The following BICD1 variants were observed in gnomAD, a reference collection of about 807,000 sequenced individuals.
The protein encoded by BICD1 is BICD cargo adaptor 1.
A neutral mutation model predicts 92.5 loss-of-function variants in BICD1; 35 were observed. The ratio of observed to expected loss-of-function variants is 0.38; its 90% CI spans 0.29 to 0.50. The LOEUF is 0.50. BICD1 is among the 20% of genes least tolerant of loss of function. BICD1 has a pLI of 0.93. For missense variants in BICD1, 950 were observed against 1,189.8 expected (o/e 0.80, Z 2.97); for synonymous variants, 429 against 465.1 (o/e 0.92, Z 1.00).
At chr12:32,188,190 G>A (rs976838882) in intron 1 of BICD1, among the ~76,000 whole-genome samples, 4 of 152,086 alleles carry the variant, frequency 2.6e-5, no homozygotes, top group Non-Finnish European at 5.9e-5. Context: ...CACCCACCTC[G>A]GCCTCCCAAA....
intron 1 of BICD1, among the ~76,000 whole-genome samples, chr12:32,199,904 T>A (rs569132177): frequency 3.6e-4 from 55 of 152,302 alleles, no homozygotes; most frequent in African/African-American, 1.3e-3. Flanking sequence ...TATTTTGTTA[T>A]GCTTTAAGGC....
intron 2 of BICD1, among the ~76,000 whole-genome samples, chr12:32,262,343 C>A: frequency 6.6e-6 from 1 of 152,164 alleles, no homozygotes; most frequent in African/African-American, 2.4e-5. Flanking sequence ...TATTCAGTCT[C>A]CCATTTCCTT....
At chr12:32,147,416 G>C (rs1943147641) in intron 1 of BICD1, among the ~76,000 whole-genome samples, 1 of 152,072 alleles carries the variant, frequency 6.6e-6, no homozygotes, top group Admixed American at 6.6e-5. Context: ...TTTTCCCTTA[G>C]CCGTCATTTT....
At chr12:32,120,888 AG>A (rs1565529037) in intron 1 of BICD1, among the ~76,000 whole-genome samples, 47 of 113,030 alleles carry the variant, frequency 4.2e-4, no homozygotes, top group African/African-American at 1.4e-3. Context: ...AGAGAGAGAG[AG>A]AGAGAGAAAA....
intron 1 of BICD1, among the ~76,000 whole-genome samples, chr12:32,125,587 A>G (rs1021534242): frequency 7.2e-5 from 11 of 152,208 alleles, no homozygotes; most frequent in African/African-American, 2.2e-4. Context: ...CTGGCAATAC[A>G]GTGGTCCTGT....
intron 1 of BICD1, among the ~76,000 whole-genome samples, chr12:32,186,979 T>C (rs1430402302): frequency 6.6e-6 from 1 of 152,220 alleles, no homozygotes; most frequent in African/African-American, 2.4e-5. Flanking sequence ...TCTCACTAAC[T>C]GGCTCAGTGA....
At position 32,236,975 on chromosome 12, in the gene BICD1, C is replaced by T. The variant is rs528783365; in HGVS notation, c.426+20516C>T. On this transcript the variant is annotated intron_variant, in intron 2 of 9. Transcript: ENST00000652176. ...CTGCAAGCTCTGCCTCCTGGGTTCA[C>T]GCCATTCTCCTGCCTCAGCCTCCCA... Among the ~76,000 whole-genome samples the T allele has an allele frequency of 9.8e-4, 147 of 149,860 alleles. 2 individuals are homozygous for T. The highest frequency in any genetic ancestry group is 3.3e-3 in the African/African-American group (134 of 40,792).
chr12:32,352,141 G>C (rs1286806931), intron 8 of BICD1, among the ~76,000 whole-genome samples: 1 of 152,044 alleles, frequency 6.6e-6, no homozygotes, highest in Admixed American at 6.5e-5. Context: ...GGAGGTGGAG[G>C]TTGCAGTGAG....
rs547833986 is a variant in BICD1, at chr12:32,372,513, TATAC to T, written c.2840+4772_2840+4775del. On this transcript the variant is annotated intron_variant, in intron 9 of 9. Transcript: ENST00000652176. ...AAATTATTTTGTACTTCCCTCGGTT[TATAC>T]ATATATTCAAACAGCTTTTAAGGTG... Among the ~76,000 whole-genome samples the T allele has an allele frequency of 1.5e-3, 222 of 152,282 alleles. 1 individual carries two copies. Among genetic ancestry groups the T allele is most frequent in the Admixed American group, 2.9e-3 (44 of 15,284 alleles).
At chr12:32,316,281 ATTTTCTTTTTTT>A (rs1486443744) in intron 4 of BICD1, among the ~76,000 whole-genome samples, 1 of 101,972 alleles carries the variant, frequency 9.8e-6, no homozygotes, top group African/African-American at 3.8e-5. Flanking sequence ...TGGACATGAT[ATTTTCTTTTTTT>A]TTTTCTTTTT....
At chr12:32,159,272 T>C (rs914810134) in intron 1 of BICD1, among the ~76,000 whole-genome samples, 1 of 152,150 alleles carries the variant, frequency 6.6e-6, no homozygotes, top group African/African-American at 2.4e-5. Flanking sequence ...GCATATAAAC[T>C]AGCTGCGAAG....
At chr12:32,127,953 C>T (rs1156862541) in intron 1 of BICD1, among the ~76,000 whole-genome samples, 2 of 150,802 alleles carry the variant, frequency 1.3e-5, no homozygotes, top group Non-Finnish European at 2.9e-5. Flanking sequence ...ATCCAGGCTG[C>T]AGTGCAGTGG....
chr12:32,360,890 A>C (rs1939299652), intron 8 of BICD1, among the ~76,000 whole-genome samples: 1 of 152,232 alleles, frequency 6.6e-6, no homozygotes, highest in South Asian at 2.1e-4. Flanking sequence ...CAAAATATTC[A>C]TCAGATAGGA....
At chr12:32,325,547 T>C (rs1948754725) in intron 4 of BICD1, among the ~76,000 whole-genome samples, 5 of 152,194 alleles carry the variant, frequency 3.3e-5, no homozygotes. Flanking sequence ...AAGAGAGGAC[T>C]ACCATGAAAG....
At chr12:32,265,605 T>C (rs936295449) in intron 2 of BICD1, among the ~76,000 whole-genome samples, 2 of 150,442 alleles carry the variant, frequency 1.3e-5, no homozygotes, top group Non-Finnish European at 3.0e-5. Flanking sequence ...TAGTCTCAGC[T>C]ACTTGGGAAG....
chr12:32,329,893 T>C lies in BICD1; in HGVS notation c.2100+1338T>C, dbSNP rs181926499. ...TTTATTTAGTTTATCTGAAAAGATA[T>C]TCTTGAAAGACACATATTTGAGAAA... On this transcript the variant is annotated intron_variant, in intron 5 of 9. Coordinates refer to ENST00000652176, the MANE Select transcript of BICD1 (RefSeq NM_001714.4). Among the ~76,000 whole-genome samples, 256 of 152,350 alleles carry C rather than the reference T, an allele frequency of 1.7e-3. 2 individuals are homozygous for C. Among genetic ancestry groups the C allele is most frequent in the Non-Finnish European group, 1.7e-3 (115 of 68,038 alleles).
chr12:32,107,901 CA>C (rs1941548014), intron 1 of BICD1: 1 of 581,976 alleles, frequency 1.7e-6, no homozygotes, highest in African/African-American at 1.9e-5. Context: ...GTTTCAGCGA[CA>C]ATTTCGTAGT....
intron 2 of BICD1, among the ~76,000 whole-genome samples, chr12:32,230,969 A>G (rs1444630143): frequency 3.3e-5 from 5 of 152,204 alleles, no homozygotes; most frequent in Admixed American, 2.6e-4. Context: ...TGGACATTTA[A>G]TTTCTCTTTT....
chr12:32,198,399 T>G (rs895892435), intron 1 of BICD1, among the ~76,000 whole-genome samples: 1 of 141,654 alleles, frequency 7.1e-6, no homozygotes, highest in Non-Finnish European at 1.5e-5. Flanking sequence ...AAGTCCTCCA[T>G]GGTCAGAGTT....
Sources: allele counts gnomAD v4.1 joint callset (sites outside exome capture counted in the v4.1 genomes callset), GRCh38; gene constraint gnomAD v4.1.1; transcripts MANE v1.5; gene names NCBI Gene and HGNC (gene_info 2026-07-23, HGNC 2026-07-21).